RBM6: variants seen among roughly 807,000 people sequenced by gnomAD.
RBM6 encodes RNA binding motif protein 6.
RBM6 carries 23 observed loss-of-function variants against 140.4 expected under a neutral mutation model. The observed-to-expected ratio is 0.16, with a 90% CI of 0.12 to 0.23. The LOEUF is 0.23. Among genes scored for constraint, RBM6 ranks in the 10% least tolerant of loss-of-function variants. The pLI, the probability that RBM6 is intolerant of heterozygous loss-of-function variation, is 1.00. For synonymous variants in RBM6, 439 were observed against 475.6 expected (o/e 0.92, Z 1.00); for missense variants, 1,139 against 1,386.7 (o/e 0.82, Z 2.84).
chr3:49,957,310 CTTT>C (rs888900457), intron 1 of RBM6, among the ~76,000 whole-genome samples: 4 of 141,420 alleles, frequency 2.8e-5, no homozygotes, highest in Admixed American at 7.1e-5. Flanking sequence ...TTCTTTCTTT[CTTT>C]TTTTTTTTTT....
chr3:50,033,376 C>T (rs2108829837), intron 6 of RBM6, among the ~76,000 whole-genome samples: 1 of 152,176 alleles, frequency 6.6e-6, no homozygotes, highest in South Asian at 2.1e-4. Context: ...ATCTTGAGCT[C>T]CTGAAACCTG....
chr3:49,998,650 A>G (rs532685392), intron 5 of RBM6, among the ~76,000 whole-genome samples: 2 of 152,326 alleles, frequency 1.3e-5, no homozygotes, highest in South Asian at 4.1e-4. Flanking sequence ...AGTAAGGTGA[A>G]GGGTATTTTA....
At chr3:49,946,710 A>G (rs2083502017) in intron 1 of RBM6, among the ~76,000 whole-genome samples, 1 of 150,782 alleles carries the variant, frequency 6.6e-6, no homozygotes, top group Admixed American at 6.6e-5. Context: ...TAATTTTTGT[A>G]TTTTAGTAGA....
intron 6 of RBM6, among the ~76,000 whole-genome samples, chr3:50,035,870 G>A (rs1458254105): frequency 1.3e-5 from 2 of 151,264 alleles, no homozygotes; most frequent in Admixed American, 6.6e-5. Flanking sequence ...AGCAATTCTC[G>A]TGCCTCAGCC....
rs934702138 is a variant in RBM6, at chr3:50,061,757, AGT to A, written c.2440-202_2440-201del. On this transcript the variant is annotated intron_variant, in intron 14 of 20. Transcript: ENST00000266022. ...GCCTTGTGGCAATACAGGTAAGAAC[AGT>A]GTTGCTCTTGAAAAAGTGGACAGTG... is the stretch of plus-strand genomic sequence containing the variant. 6.8e-6 allele frequency: 9 copies of A among 1,326,814 alleles called. No homozygotes were observed. In the African/African-American group the frequency reaches 8.9e-5, roughly 13 times the overall value. The allele number at this position is 1,326,814 out of a possible 1,614,324, so 82.2% of individuals were successfully genotyped here. A position where few individuals can be genotyped will look rare whatever the true frequency, so the allele number is the denominator to read the frequency against.
At chr3:49,962,751 C>T (rs2084339596) in intron 2 of RBM6, 66 bp downstream of exon 2, 3 of 1,363,976 alleles carry the variant, frequency 2.2e-6, no homozygotes, top group African/African-American at 1.5e-5. Flanking sequence ...ACATTTTCGC[C>T]TACTATAAAT....
intron 5 of RBM6, among the ~76,000 whole-genome samples, chr3:49,997,730 T>A (rs1252610264): frequency 6.6e-6 from 1 of 152,242 alleles, no homozygotes; most frequent in Non-Finnish European, 1.5e-5. Flanking sequence ...TCTGTTATTC[T>A]GTAATGTTTC....
rs906366838 is a variant in RBM6 at position 50,012,355 on chromosome 3, A to AT, written c.1557+12852dup. Among the ~76,000 whole-genome samples, 98 of 147,564 alleles carry AT rather than the reference A, an allele frequency of 6.6e-4. 1 individual carries two copies. The East Asian group carries it at 0.012, about 19-fold the overall frequency. On this transcript the variant is annotated intron_variant, in intron 6 of 20. Coordinates refer to ENST00000266022, the MANE Select transcript of RBM6 (RefSeq NM_005777.3). Reference sequence around the variant, plus strand: ...GAACCACCATGCCCAGTCCATTCCAATTTTTTTTTTCTTTTTTTTTGAGAT... The same window carrying AT: ...GAACCACCATGCCCAGTCCATTCCAATTTTTTTTTTTCTTTTTTTTTGAGAT...
Position 49,968,570 on chromosome 3 carries a change from C to T in RBM6, c.1145C>T (p.Ala382Val), listed in dbSNP as rs141438866. Residue 382 changes from alanine (A) to valine (V), a missense_variant, in exon 3 of 21, where the codon GCT becomes GTT. Physicochemically the swap from Ala to Val is moderately conservative, Grantham distance 64. Around this residue, in one of 9 missense-constraint regions of RBM6, gnomAD observed 566 missense variants for 612.7 expected, o/e 0.92. Coordinates refer to ENST00000266022, the MANE Select transcript of RBM6 (RefSeq NM_005777.3). ...GGACGTGAAGAGCAGAGTTCAGATG[C>T]TGGTCTGTTTAAAGAAGAAGGCGGT... Reference protein sequence around the residue: ...LSGREEQSSDAGLFKEEGGLD... With the variant: ...LSGREEQSSDVGLFKEEGGLD... 194 of 1,614,120 alleles carry T rather than the reference C, an allele frequency of 1.2e-4. No individual in the cohort carries two copies. The African/African-American group carries it at 1.7e-3, about 14-fold the overall frequency.
At chr3:49,948,827 A>AT (rs767843268) in intron 1 of RBM6, among the ~76,000 whole-genome samples, 1,389 of 98,890 alleles carry the variant, frequency 0.014, 10 homozygotes, top group Non-Finnish European at 0.018. Flanking sequence ...TACATACCCA[A>AT]TTTTTTTTTT....
chr3:50,003,703 C>T (rs1168194415), intron 6 of RBM6, among the ~76,000 whole-genome samples: 9 of 152,204 alleles, frequency 5.9e-5, no homozygotes, highest in Admixed American at 5.9e-4. Context: ...GGATGCTCTG[C>T]AGCAGTACTG....
chr3:50,058,051 A>G, intron 9 of RBM6, 48 bp downstream of exon 9: 1 of 1,582,742 alleles, frequency 6.3e-7, no homozygotes. Flanking sequence ...ATCACAATGG[A>G]GCATAGATGG....
At chr3:49,974,342 G>T (rs1488491503) in intron 4 of RBM6, among the ~76,000 whole-genome samples, 1 of 151,706 alleles carries the variant, frequency 6.6e-6, no homozygotes, top group African/African-American at 2.4e-5. Flanking sequence ...GAGTAGCTGG[G>T]ATTATAGGTG....
At chr3:50,029,917 T>C (rs35849525) in intron 6 of RBM6, among the ~76,000 whole-genome samples, 32,786 of 150,594 alleles carry the variant, frequency 0.22, 3,845 homozygotes, top group Middle Eastern at 0.27. Flanking sequence ...GTAGTTCCCA[T>C]TACTAGAGAG....
At position 50,026,147 on chromosome 3, in the gene RBM6, C is replaced by T. The variant is rs190754524; in HGVS notation, c.1558-22098C>T. ...TCTTCCAGGCTGGAGTGCAGTGGCA[C>T]GATCTCGGCTCACTGCAGCCTCCGC... On this transcript the variant is annotated intron_variant, in intron 6 of 20. Coordinates refer to ENST00000266022, the MANE Select transcript of RBM6 (RefSeq NM_005777.3). 2.9e-3 allele frequency among the ~76,000 whole-genome samples: 441 copies of T among 151,746 alleles called. 1 individual carries two copies. Among genetic ancestry groups the T allele is most frequent in the Non-Finnish European group, 4.9e-3 (335 of 67,928 alleles).
chr3:50,048,259 C>T lies in RBM6; in HGVS notation c.1572C>T (p.Ile524=), dbSNP rs1237066568. ...CMEANQGTLM[I]QDKEVTLEYV... is the part of the protein sequence containing the mutation. The stretch of plus-strand genomic sequence containing the variant: ...TGTCTTTACAGGGAACTCTAATGAT[C>T]CAGGACAAAGAAGTTACCCTGGAGT... Residue 524 remains isoleucine, a synonymous_variant, in exon 7 of 21, where the codon ATC becomes ATT. Coordinates refer to ENST00000266022, the MANE Select transcript of RBM6 (RefSeq NM_005777.3). The T allele has an allele frequency of 1.9e-6, 3 of 1,613,222 alleles. No individual in the cohort carries two copies. In the South Asian group the frequency reaches 3.3e-5, roughly 18 times the overall value.
intron 1 of RBM6, among the ~76,000 whole-genome samples, chr3:49,961,114 G>T (rs1460578312): frequency 6.6e-6 from 1 of 152,008 alleles, no homozygotes; most frequent in Non-Finnish European, 1.5e-5. Context: ...GTCTCGCTCT[G>T]TCACCCAGGC....
At chr3:50,024,145 G>T (rs1479685276) in intron 6 of RBM6, among the ~76,000 whole-genome samples, 1 of 152,158 alleles carries the variant, frequency 6.6e-6, no homozygotes, top group African/African-American at 2.4e-5. Flanking sequence ...TTAGAAAATT[G>T]CTAGGTTATC....
At chr3:49,957,835 C>CTT (rs367565471) in intron 1 of RBM6, among the ~76,000 whole-genome samples, 110 of 143,448 alleles carry the variant, frequency 7.7e-4, no homozygotes, top group African/African-American at 1.0e-3. Flanking sequence ...ATCTTTCTTT[C>CTT]TTTTTTTTTT....
Sources: allele counts gnomAD v4.1 joint callset (sites outside exome capture counted in the v4.1 genomes callset), GRCh38; gene constraint gnomAD v4.1.1; regional missense constraint gnomAD v4.1.1; transcripts MANE v1.5; gene names NCBI Gene and HGNC (gene_info 2026-07-23, HGNC 2026-07-21).